The following UGT3A1 variants were observed in gnomAD, a reference collection of about 807,000 sequenced individuals.
UGT3A1 encodes UDP glycosyltransferase family 3 member A1.
UGT3A1 carries 40 observed loss-of-function variants against 37.6 expected under a neutral mutation model. The ratio of observed to expected loss-of-function variants is 1.06; its 90% CI spans 0.83 to 1.38. UGT3A1 has a LOEUF of 1.38. Among genes scored for constraint, UGT3A1 ranks in the 40% most tolerant of loss-of-function variants. The pLI is 0.00. For synonymous variants in UGT3A1, 256 were observed against 232.3 expected, an observed-to-expected ratio of 1.10 and a Z score of -0.93; for missense variants, 642 against 634.2, an observed-to-expected ratio of 1.01 and a Z score of -0.13.
intron 2 of UGT3A1, among the ~76,000 whole-genome samples, chr5:35,986,135 T>A (rs1740720265): frequency 6.6e-6 from 1 of 152,162 alleles, no homozygotes; most frequent in Non-Finnish European, 1.5e-5. Flanking sequence ...CACAATGTGA[T>A]ATCATCTCAT....
intron 2 of UGT3A1, among the ~76,000 whole-genome samples, chr5:35,996,991 C>T (rs1325726097): frequency 6.6e-6 from 1 of 152,170 alleles, no homozygotes; most frequent in Non-Finnish European, 1.5e-5. Flanking sequence ...CAAAGAAACC[C>T]CTACTCAATC....
chr5:35,971,557 C>A (rs543854415), intron 2 of UGT3A1, among the ~76,000 whole-genome samples: 5 of 151,942 alleles, frequency 3.3e-5, no homozygotes, highest in African/African-American at 1.2e-4. Context: ...TCAAGAAAAT[C>A]TACCAAAATT....
intron 1 of UGT3A1, among the ~76,000 whole-genome samples, chr5:35,990,440 T>C (rs532559143): frequency 3.9e-4 from 59 of 152,174 alleles, no homozygotes; most frequent in African/African-American, 1.4e-3. Context: ...CATCTTCTAC[T>C]TCCTTTGAAA....
intron 1 of UGT3A1, among the ~76,000 whole-genome samples, chr5:35,990,781 G>A (rs918275672): frequency 2.0e-5 from 3 of 152,004 alleles, no homozygotes; most frequent in African/African-American, 7.3e-5. Context: ...TGCACCTCCC[G>A]GCCCCATGGA....
Position 35,954,475 on chromosome 5 carries a change from G to T in UGT3A1, c.1299C>A (p.Tyr433Ter). The change falls in exon 7 of 7, where the codon TAC (tyrosine) becomes TAA (stop). Residue 433 changes from tyrosine to a stop codon, truncating the protein, a stop_gained. Coordinates refer to ENST00000274278, the MANE Select transcript of UGT3A1 (RefSeq NM_152404.4). LOFTEE classifies it low-confidence loss of function (END_TRUNC). ...CACTGGCTGCCACCACTGCCGACTT[G>T]TACCTGTTGGCGGAGACAGAGAGGG... ...TMKQVIEDKR[Y>*]KSAVVAASVI... 1 of 1,613,606 alleles carries T rather than the reference G, an allele frequency of 6.2e-7. No homozygotes were observed. The highest frequency in any genetic ancestry group is 8.5e-7 in the Non-Finnish European group (1 of 1,179,592).
chr5:35,957,602 C>G (rs569443999), intron 4 of UGT3A1, among the ~76,000 whole-genome samples, 183 bp from the exon 5 acceptor site: 1 of 152,174 alleles, frequency 6.6e-6, no homozygotes, highest in South Asian at 2.1e-4. Context: ...CATATTGTGT[C>G]TGGATGACCT....
chr5:35,974,520 G>A (rs995593955), intron 2 of UGT3A1, among the ~76,000 whole-genome samples: 3 of 152,186 alleles, frequency 2.0e-5, no homozygotes, highest in Non-Finnish European at 4.4e-5. Flanking sequence ...AAGATTGCAA[G>A]GGTGGTGATT....
At position 35,955,826 on chromosome 5, in the gene UGT3A1, GC is replaced by G; in HGVS notation, c.1113del (p.Gln372ArgfsTer4). On this transcript the variant is annotated frameshift_variant, in exon 6 of 7. Transcript: ENST00000274278. LOFTEE classifies it high-confidence loss of function. ...CGGATGGCCTCCATTACGCTGTTCT[GC>G]CCACCATGAGTGACAAAAAGACGGA... ...PSIRLFVTHG[G>X]QNSVMEAIRH... The G allele has an allele frequency of 6.2e-7, 1 of 1,614,200 alleles. No individual in the cohort carries two copies. The highest frequency in any genetic ancestry group is 1.1e-5 in the South Asian group (1 of 91,084).
intron 2 of UGT3A1, among the ~76,000 whole-genome samples, chr5:35,981,278 T>C (rs1740510893): frequency 6.6e-6 from 1 of 152,194 alleles, no homozygotes; most frequent in African/African-American, 2.4e-5. Context: ...ATGCTGAGAT[T>C]ATCACCAGCA....
At chr5:35,976,605 C>T (rs895989206) in intron 2 of UGT3A1, among the ~76,000 whole-genome samples, 6 of 152,070 alleles carry the variant, frequency 3.9e-5, no homozygotes, top group Non-Finnish European at 8.8e-5. Flanking sequence ...TTTGAAAGGC[C>T]AAGGTGGGAG....
Position 35,954,165 on chromosome 5 carries a change from AG to A in UGT3A1, c.*36del, listed in dbSNP as rs1336063404. ...GGGTGGGGAGAACCTTCAAAGGACCAGGGATGCCCTCCCCTCACCCAAGGCT... is the reference window on the plus strand; with the variant it reads ...GGGTGGGGAGAACCTTCAAAGGACCAGGATGCCCTCCCCTCACCCAAGGCT... On this transcript the variant is annotated 3_prime_UTR_variant, in exon 7 of 7. Coordinates refer to ENST00000274278, the MANE Select transcript of UGT3A1 (RefSeq NM_152404.4). 7 of 1,598,100 alleles carry A rather than the reference AG, an allele frequency of 4.4e-6. No individual in the cohort carries two copies. The highest frequency in any genetic ancestry group is 6.0e-6 in the Non-Finnish European group (7 of 1,171,104).
chr5:35,973,947 T>C (rs955476271), intron 2 of UGT3A1, among the ~76,000 whole-genome samples: 5 of 152,132 alleles, frequency 3.3e-5, no homozygotes, highest in Admixed American at 6.5e-5. Context: ...GAAAAGAAGA[T>C]GAGCAGTTTA....
chr5:35,963,773 A>G (rs1044144765), intron 4 of UGT3A1, among the ~76,000 whole-genome samples: 4 of 152,162 alleles, frequency 2.6e-5, no homozygotes, highest in African/African-American at 7.2e-5. Context: ...GCTGTTGGGC[A>G]TGGCTTGTAC....
chr5:35,991,342 G>A lies in UGT3A1; in HGVS notation c.-102C>T. 6.5e-7 allele frequency: 1 copy of A among 1,547,828 alleles called. No homozygotes were observed. The highest frequency in any genetic ancestry group is 8.7e-7 in the Non-Finnish European group (1 of 1,149,110). On this transcript the variant is annotated 5_prime_UTR_variant, in exon 1 of 7. Transcript: ENST00000274278. ...CAGTACTCCAAAGGCACTGGCTGTG[G>A]GCCTAGGAAGAGGTAGGAGACGGAT...
chr5:35,962,714 G>T (rs981281235), intron 4 of UGT3A1: 4 of 589,442 alleles, frequency 6.8e-6, no homozygotes, highest in African/African-American at 5.6e-5. Flanking sequence ...GTATCACAAT[G>T]AATGGTTCCT....
At chr5:35,978,849 T>A (rs1740405951) in intron 2 of UGT3A1, among the ~76,000 whole-genome samples, 1 of 152,098 alleles carries the variant, frequency 6.6e-6, no homozygotes, top group African/African-American at 2.4e-5. Context: ...GCCTGTAAAA[T>A]CAAAAGCAAG....
At chr5:35,984,915 A>G (rs1740668363) in intron 2 of UGT3A1, among the ~76,000 whole-genome samples, 1 of 152,068 alleles carries the variant, frequency 6.6e-6, no homozygotes. Context: ...TCTTACTTTT[A>G]CTAATGCTGC....
At chr5:35,970,016 G>A (rs1202039120) in intron 2 of UGT3A1, among the ~76,000 whole-genome samples, 4 of 152,130 alleles carry the variant, frequency 2.6e-5, no homozygotes, top group Non-Finnish European at 4.4e-5. Context: ...CAGAAGGCAA[G>A]GAGGAGCAAG....
intron 2 of UGT3A1, among the ~76,000 whole-genome samples, chr5:35,984,450 G>C (rs1166088678): frequency 2.0e-5 from 3 of 150,446 alleles, no homozygotes; most frequent in African/African-American, 7.3e-5. Context: ...TGTGAAATGG[G>C]GCTACCATTC....
Sources: allele counts gnomAD v4.1 joint callset (sites outside exome capture counted in the v4.1 genomes callset), GRCh38; gene constraint gnomAD v4.1.1; transcripts MANE v1.5; gene names NCBI Gene and HGNC (gene_info 2026-07-23, HGNC 2026-07-21).